The following ALOX5AP variants were observed in gnomAD, a reference collection of about 807,000 sequenced individuals.
ALOX5AP encodes the protein arachidonate 5-lipoxygenase-activating protein.
ALOX5AP carries 9 observed loss-of-function variants against 18.5 expected under a neutral mutation model. That is an observed-to-expected ratio of 0.49 (90% CI 0.29 to 0.85). ALOX5AP has a LOEUF of 0.85. Ranked by LOEUF, ALOX5AP falls within the 40% of genes least tolerant of loss-of-function variation. ALOX5AP has a pLI of 0.08. For synonymous variants in ALOX5AP, 81 were observed against 78.6 expected (o/e 1.03, Z -0.16); for missense variants, 172 against 202.5 (o/e 0.85, Z 0.91).
At position 30,764,350 on chromosome 13, in the gene ALOX5AP, A is replaced by G. The variant is rs1566091298; in HGVS notation, c.*244A>G. 1 of 438,490 alleles carries G rather than the reference A, an allele frequency of 2.3e-6. No homozygotes were observed. The highest frequency in any genetic ancestry group is 4.0e-6 in the Non-Finnish European group (1 of 248,628). 27.2% of individuals were successfully genotyped at this position (438,490 alleles called of 1,614,324 possible). A position where few individuals can be genotyped will look rare whatever the true frequency, so the allele number is the denominator to read the frequency against. On this transcript the variant is annotated 3_prime_UTR_variant, in exon 5 of 5. Coordinates refer to ENST00000380490, the MANE Select transcript of ALOX5AP (RefSeq NM_001629.4). ...ATGCATTTTGTTTGTTTCTTCACTT[A>G]TCCTGTTCTCTGAAGATGTTTTGTG...
chr13:30,737,399 T>C (rs1206065760), intron 1 of ALOX5AP, among the ~76,000 whole-genome samples: 1 of 152,160 alleles, frequency 6.6e-6, no homozygotes, highest in Non-Finnish European at 1.5e-5. Context: ...CCTGTTCAGA[T>C]TGAGGTGAGT....
chr13:30,742,932 C>T (rs1156477277), intron 1 of ALOX5AP, among the ~76,000 whole-genome samples: 2 of 147,052 alleles, frequency 1.4e-5, no homozygotes, highest in African/African-American at 5.0e-5. Flanking sequence ...ATCTCTGACA[C>T]CCCCACCGCC....
intron 1 of ALOX5AP, among the ~76,000 whole-genome samples, chr13:30,729,871 C>T (rs538031526): frequency 1.3e-5 from 2 of 152,314 alleles, no homozygotes; most frequent in South Asian, 2.1e-4. Context: ...CCACCGTGCC[C>T]GGCCTTAACC....
intron 1 of ALOX5AP, among the ~76,000 whole-genome samples, chr13:30,723,104 C>G (rs890594884): frequency 2.6e-5 from 4 of 152,200 alleles, no homozygotes; most frequent in African/African-American, 9.7e-5. Flanking sequence ...GTGTAAAACC[C>G]TGGATCACTC....
At chr13:30,744,255 T>C in intron 2 of ALOX5AP, 96 bp downstream of exon 2, 1 of 1,130,862 alleles carries the variant, frequency 8.8e-7, no homozygotes, top group Non-Finnish European at 1.3e-6. Context: ...CATGTCTGTC[T>C]GAGCCAAGTT....
chr13:30,748,264 G>C lies in ALOX5AP; in HGVS notation c.171-3788G>C, dbSNP rs17074966. ...CATAGACTTGTAAAATTATTTAAAG[G>C]TGATAGGTCTACAATGATCCTGTCA... On this transcript the variant is annotated intron_variant, in intron 2 of 4. Coordinates refer to ENST00000380490, the MANE Select transcript of ALOX5AP (RefSeq NM_001629.4). Among the ~76,000 whole-genome samples, 245 of 152,190 alleles carry C rather than the reference G, an allele frequency of 1.6e-3. 3 individuals are homozygous for C. The East Asian group carries it at 0.034, about 21-fold the overall frequency.
intron 1 of ALOX5AP, among the ~76,000 whole-genome samples, chr13:30,727,324 G>A (rs1298166149): frequency 6.6e-6 from 1 of 151,776 alleles, no homozygotes; most frequent in African/African-American, 2.4e-5. Context: ...GATTACAGGT[G>A]TGAGCCACTG....
chr13:30,721,044 G>C (rs1245175631), intron 1 of ALOX5AP, among the ~76,000 whole-genome samples: 1 of 152,120 alleles, frequency 6.6e-6, no homozygotes, highest in Non-Finnish European at 1.5e-5. Context: ...CACACATGGG[G>C]GAAATGGAGC....
chr13:30,758,873 G>T (rs1385998992), intron 4 of ALOX5AP, among the ~76,000 whole-genome samples: 1 of 151,804 alleles, frequency 6.6e-6, no homozygotes, highest in Admixed American at 6.6e-5. Flanking sequence ...GGAGTGCAGT[G>T]GCCTGATCTT....
intron 2 of ALOX5AP, among the ~76,000 whole-genome samples, chr13:30,751,462 C>T (rs1482400222): frequency 2.0e-5 from 3 of 152,256 alleles, no homozygotes; most frequent in Admixed American, 6.5e-5. Flanking sequence ...GGGTGCAAAA[C>T]ATCCACGGTA....
chr13:30,746,271 C>G (rs775641019), intron 2 of ALOX5AP, among the ~76,000 whole-genome samples: 1 of 152,212 alleles, frequency 6.6e-6, no homozygotes, highest in Non-Finnish European at 1.5e-5. Context: ...CTTGGGCATC[C>G]CCACCGTGTG....
At chr13:30,741,532 G>GA (rs1951764454) in intron 1 of ALOX5AP, among the ~76,000 whole-genome samples, 1 of 139,608 alleles carries the variant, frequency 7.2e-6, no homozygotes, top group Non-Finnish European at 1.5e-5. Context: ...GTGTAGCTAG[G>GA]ATTACAGGCC....
chr13:30,723,000 C>A (rs1951606399), intron 1 of ALOX5AP, among the ~76,000 whole-genome samples: 1 of 152,158 alleles, frequency 6.6e-6, no homozygotes, highest in Non-Finnish European at 1.5e-5. Context: ...AAATCAACTT[C>A]TTTTCTTTAT....
At chr13:30,751,246 T>A (rs1951849464) in intron 2 of ALOX5AP, among the ~76,000 whole-genome samples, 1 of 152,122 alleles carries the variant, frequency 6.6e-6, no homozygotes, top group Non-Finnish European at 1.5e-5. Flanking sequence ...GTGTTTTTAG[T>A]AGAGACAGGG....
chr13:30,738,838 T>C (rs898689924), intron 1 of ALOX5AP, among the ~76,000 whole-genome samples: 8 of 152,094 alleles, frequency 5.3e-5, no homozygotes, highest in Admixed American at 2.6e-4. Flanking sequence ...GGCAGCCTCC[T>C]CCAAGTTTTG....
chr13:30,745,807 G>A (rs1022899375), intron 2 of ALOX5AP, among the ~76,000 whole-genome samples: 4 of 152,170 alleles, frequency 2.6e-5, no homozygotes, highest in African/African-American at 9.7e-5. Context: ...GATGAGGCAA[G>A]GTCAAAACTT....
intron 4 of ALOX5AP, among the ~76,000 whole-genome samples, chr13:30,760,823 T>G (rs1434981756): frequency 2.0e-5 from 3 of 152,212 alleles, no homozygotes; most frequent in Non-Finnish European, 4.4e-5. Flanking sequence ...GCTTAATAAT[T>G]TAATTCTGAC....
intron 1 of ALOX5AP, among the ~76,000 whole-genome samples, chr13:30,715,012 C>A (rs1951538939): frequency 6.6e-6 from 1 of 152,164 alleles, no homozygotes; most frequent in African/African-American, 2.4e-5. Context: ...CCTGAGGCAC[C>A]ACAACACATA....
intron 4 of ALOX5AP, among the ~76,000 whole-genome samples, chr13:30,763,284 G>T (rs918137620): frequency 2.6e-5 from 4 of 152,120 alleles, no homozygotes; most frequent in Admixed American, 2.6e-4. Flanking sequence ...CTCCAGCTTG[G>T]GCTACAGAGT....
Sources: gnomAD v4.1 joint callset for allele counts (sites outside exome capture counted in the v4.1 genomes callset) on GRCh38, gnomAD v4.1.1 for gene constraint, MANE v1.5 for transcripts, NCBI Gene and HGNC (gene_info 2026-07-23, HGNC 2026-07-21) for gene names.